R3HDM2: variants seen among roughly 807,000 people sequenced by gnomAD.
The protein encoded by R3HDM2 is R3H domain containing 2.
R3HDM2 carries 38 observed loss-of-function variants against 124.5 expected under a neutral mutation model. The ratio of observed to expected loss-of-function variants is 0.31; its 90% confidence interval spans 0.24 to 0.40. R3HDM2 has a LOEUF of 0.40. Ranked by LOEUF, R3HDM2 falls within the 10% of genes least tolerant of loss-of-function variation. The pLI is 1.00. For missense variants in R3HDM2, 869 were observed against 1,236.9 expected (o/e 0.70, Z 4.46); for synonymous variants, 391 against 448.0 (o/e 0.87, Z 1.61).
chr12:57,423,578 G>A (rs2070411547), intron 1 of R3HDM2, among the ~76,000 whole-genome samples: 1 of 151,834 alleles, frequency 6.6e-6, no homozygotes, highest in African/African-American at 2.4e-5. Context: ...TTGGGAGGCC[G>A]AGGCGGGTGG....
chr12:57,274,107 C>A (rs2044170562), intron 14 of R3HDM2, among the ~76,000 whole-genome samples: 1 of 152,076 alleles, frequency 6.6e-6, no homozygotes, highest in South Asian at 2.1e-4. Context: ...TTTCTATTAT[C>A]CCAATTCTCT....
rs1455027253 is a variant in R3HDM2 at position 57,268,467 on chromosome 12, A to G, written c.1876-10T>C. On this transcript the variant is annotated splice_polypyrimidine_tract_variant and intron_variant, in intron 17 of 23. Coordinates refer to ENST00000402412, the MANE Select transcript of R3HDM2 (RefSeq NM_001394031.1). ...CACTACCCACTGGAACCTGGGTGAG[A>G]AAGAGAAGAGAAAGAATCACATTCG... 1 of 1,613,504 alleles carries G rather than the reference A, an allele frequency of 6.2e-7. No individual in the cohort carries two copies. The highest frequency in any genetic ancestry group is 8.5e-7 in the Non-Finnish European group (1 of 1,179,708).
chr12:57,261,860 G>A (rs1441715415), intron 19 of R3HDM2, among the ~76,000 whole-genome samples: 1 of 151,958 alleles, frequency 6.6e-6, no homozygotes, highest in Non-Finnish European at 1.5e-5. Flanking sequence ...AGTGGGAGGG[G>A]GGGTTGAATA....
At chr12:57,288,921 A>G (rs1227777239) in intron 12 of R3HDM2, 88 bp downstream of exon 12, 1 of 1,551,384 alleles carries the variant, frequency 6.4e-7, no homozygotes, top group Non-Finnish European at 8.7e-7. Flanking sequence ...CTGTTGGTTA[A>G]CATCAAAGAA....
intron 2 of R3HDM2, among the ~76,000 whole-genome samples, chr12:57,348,031 G>T (rs1283202765): frequency 2.6e-5 from 4 of 152,148 alleles, no homozygotes; most frequent in Non-Finnish European, 5.9e-5. Flanking sequence ...TCCTAAGGAA[G>T]AAAAATCTTT....
At chr12:57,365,197 G>A (rs2062481129) in intron 2 of R3HDM2, among the ~76,000 whole-genome samples, 1 of 151,352 alleles carries the variant, frequency 6.6e-6, no homozygotes, top group African/African-American at 2.4e-5. Flanking sequence ...CCATGAAGTG[G>A]AGGTTGCAGT....
At chr12:57,425,005 G>C (rs1455741650) in intron 1 of R3HDM2, among the ~76,000 whole-genome samples, 1 of 152,186 alleles carries the variant, frequency 6.6e-6, no homozygotes, top group Non-Finnish European at 1.5e-5. Flanking sequence ...AGGTGCGGTG[G>C]CTCACGCCTA....
At chr12:57,366,843 C>T (rs1162301639) in intron 2 of R3HDM2, among the ~76,000 whole-genome samples, 2 of 152,142 alleles carry the variant, frequency 1.3e-5, no homozygotes, top group Admixed American at 6.5e-5. Flanking sequence ...GCGCCCGCCA[C>T]CACGCCCAGG....
At chr12:57,290,937 C>T (rs181361927) in intron 11 of R3HDM2, among the ~76,000 whole-genome samples, 4 of 152,240 alleles carry the variant, frequency 2.6e-5, no homozygotes, top group Admixed American at 2.6e-4. Context: ...TAACCACCAA[C>T]CTGTTCCGTA....
intron 1 of R3HDM2, among the ~76,000 whole-genome samples, chr12:57,417,803 A>C (rs2069793979): frequency 6.6e-6 from 1 of 152,168 alleles, no homozygotes; most frequent in Non-Finnish European, 1.5e-5. Flanking sequence ...CTCCTTCCTC[A>C]AAATATTACT....
At chr12:57,288,939 A>G (rs1257115763) in intron 12 of R3HDM2, 70 bp downstream of exon 12, 13 of 1,550,062 alleles carry the variant, frequency 8.4e-6, no homozygotes, top group Non-Finnish European at 1.1e-5. Flanking sequence ...GAAAAGCATC[A>G]TTACAGGATT....
intron 2 of R3HDM2, among the ~76,000 whole-genome samples, chr12:57,327,887 C>A (rs1208795038): frequency 6.6e-6 from 1 of 152,094 alleles, no homozygotes; most frequent in East Asian, 1.9e-4. Context: ...GTGGACACTG[C>A]TGAAATGACA....
chr12:57,287,546 AATTTCCACAAGGT>A (rs2047622925), intron 12 of R3HDM2, among the ~76,000 whole-genome samples: 2 of 152,192 alleles, frequency 1.3e-5, no homozygotes, highest in South Asian at 4.1e-4. Flanking sequence ...TCACTACCCC[AATTTCCACAAGGT>A]TTGGCTAGCT....
Position 57,352,235 on chromosome 12 carries a change from C to A in R3HDM2, c.-35-41772G>T, listed in dbSNP as rs1394217486. Among the ~76,000 whole-genome samples the A allele has an allele frequency of 6.2e-5, 8 of 129,294 alleles. No individual in the cohort carries two copies. The East Asian group carries it at 1.8e-3, about 28-fold the overall frequency. 84.8% of individuals were successfully genotyped at this position (129,294 alleles called of 152,430 possible). On this transcript the variant is annotated intron_variant, in intron 2 of 23. Transcript: ENST00000402412. The stretch of plus-strand genomic sequence containing the variant: ...CCAGCCTGGGCAACACAGCAAGACT[C>A]CATCTCAAAAAAAAAAAAAAAAAAA...
chr12:57,316,978 C>T (rs1053859978), intron 2 of R3HDM2, among the ~76,000 whole-genome samples: 3 of 152,034 alleles, frequency 2.0e-5, no homozygotes, highest in Non-Finnish European at 2.9e-5. Flanking sequence ...AACTCCTGAC[C>T]TCAGGTAATC....
intron 2 of R3HDM2, among the ~76,000 whole-genome samples, chr12:57,363,388 C>G (rs994927063): frequency 6.6e-6 from 1 of 151,998 alleles, no homozygotes; most frequent in Admixed American, 6.6e-5. Context: ...TTTATCACCC[C>G]CAAAAGAAAC....
intron 1 of R3HDM2, among the ~76,000 whole-genome samples, chr12:57,413,675 G>A (rs2069230737): frequency 6.6e-6 from 1 of 151,564 alleles, no homozygotes; most frequent in African/African-American, 2.4e-5. Context: ...GGTGGAGGCT[G>A]CAATGAGCCG....
At chr12:57,372,265 G>A (rs921225055) in intron 2 of R3HDM2, among the ~76,000 whole-genome samples, 1 of 152,176 alleles carries the variant, frequency 6.6e-6, no homozygotes, top group African/African-American at 2.4e-5. Flanking sequence ...AGACAGACAC[G>A]TGGGTCCTAA....
At chr12:57,391,017 A>G (rs77238295) in intron 2 of R3HDM2, among the ~76,000 whole-genome samples, 1 of 138,930 alleles carries the variant, frequency 7.2e-6, no homozygotes, top group Non-Finnish European at 1.5e-5. Flanking sequence ...CGTCTCAAAT[A>G]AAAAAAAAAA....
Sources: gnomAD v4.1 joint callset for allele counts (sites outside exome capture counted in the v4.1 genomes callset) on GRCh38, gnomAD v4.1.1 for gene constraint, MANE v1.5 for transcripts, NCBI Gene and HGNC (gene_info 2026-07-23, HGNC 2026-07-21) for gene names.